The following TMPRSS11A variants were observed in gnomAD, a reference collection of about 807,000 sequenced individuals.
TMPRSS11A encodes transmembrane protease serine 11A.
TMPRSS11A carries 53 observed loss-of-function variants against 58.9 expected under a neutral mutation model. That is an observed-to-expected ratio of 0.90 (90% CI 0.72 to 1.13). TMPRSS11A has a LOEUF of 1.13. Among genes scored for constraint, TMPRSS11A ranks in the 50% most tolerant of loss-of-function variants. The pLI, the probability that TMPRSS11A is intolerant of heterozygous loss-of-function variation, is 0.00. For synonymous variants in TMPRSS11A, 167 were observed against 169.8 expected (o/e 0.98, Z 0.13); for missense variants, 493 against 499.3 (o/e 0.99, Z 0.12).
chr4:67,946,613 T>A, intron 1 of TMPRSS11A, 42 bp from the exon 2 acceptor site: 1 of 1,578,058 alleles, frequency 6.3e-7, no homozygotes, highest in Non-Finnish European at 8.6e-7. Context: ...CAGATAGCAA[T>A]GCTTGCAGGT....
chr4:67,956,513 C>G (rs183559117), intron 1 of TMPRSS11A, among the ~76,000 whole-genome samples: 1 of 152,272 alleles, frequency 6.6e-6, no homozygotes, highest in African/African-American at 2.4e-5. Flanking sequence ...ATATGGATAG[C>G]TTCAGTTTAA....
rs533790845 is a variant in TMPRSS11A at position 67,928,472 on chromosome 4, C to A, written c.481+1408G>T. Reference sequence around the variant, plus strand: ...ACAAAAAGACCAGGCAGCCAATGAACAATTTATGCTTTACTCTGGTTTCAG... The same window carrying A: ...ACAAAAAGACCAGGCAGCCAATGAAAAATTTATGCTTTACTCTGGTTTCAG... On this transcript the variant is annotated intron_variant, in intron 5 of 9. Transcript: ENST00000508048. Among the ~76,000 whole-genome samples, 17 of 152,332 alleles carry A rather than the reference C, an allele frequency of 1.1e-4. 1 individual carries two copies. In the South Asian group the frequency reaches 3.5e-3, roughly 32 times the overall value.
At chr4:67,957,546 A>C (rs1721316410) in intron 1 of TMPRSS11A, among the ~76,000 whole-genome samples, 1 of 152,142 alleles carries the variant, frequency 6.6e-6, no homozygotes, top group African/African-American at 2.4e-5. Context: ...GTATCTGGAG[A>C]AAGAAATTTC....
At chr4:67,918,916 A>C (rs1285315070) in intron 8 of TMPRSS11A, 57 bp downstream of exon 8, 2 of 1,582,972 alleles carry the variant, frequency 1.3e-6, no homozygotes, top group Non-Finnish European at 1.7e-6. Flanking sequence ...GATGGAGATG[A>C]AATCACATTG....
chr4:67,932,312 A>G (rs1057483548), intron 3 of TMPRSS11A, among the ~76,000 whole-genome samples: 14 of 152,148 alleles, frequency 9.2e-5, no homozygotes, highest in Non-Finnish European at 1.8e-4. Flanking sequence ...ATATTTTTAA[A>G]AAACCTACCC....
At chr4:67,946,279 T>C (rs1348947610) in intron 2 of TMPRSS11A, among the ~76,000 whole-genome samples, 171 bp downstream of exon 2, 1 of 152,184 alleles carries the variant, frequency 6.6e-6, no homozygotes, top group African/African-American at 2.4e-5. Context: ...TCACATATAA[T>C]AAGAATTTAG....
chr4:67,946,571 C>G lies in TMPRSS11A; in HGVS notation c.12G>C (p.Arg4=), dbSNP rs562799365. The G allele has an allele frequency of 2.5e-6, 4 of 1,608,316 alleles. No homozygotes were observed. In the African/African-American group the frequency reaches 5.4e-5, roughly 22 times the overall value. The change falls in exon 2 of 10, where the codon CGG becomes CGC. Residue 4 remains arginine, a splice_region_variant and synonymous_variant. Transcript: ENST00000508048. The stretch of plus-strand genomic sequence containing the variant: ...TGCTTCGGGTGCCAAATCCCACTGT[C>G]CTGAGAAAAGGAAGGGCCCACTGGT... MMY[R]TVGFGTRSRN... is the part of the protein sequence containing the mutation.
chr4:67,945,914 ATT>A (rs555780011), intron 2 of TMPRSS11A, among the ~76,000 whole-genome samples: 2 of 151,992 alleles, frequency 1.3e-5, no homozygotes, highest in Admixed American at 1.3e-4. Flanking sequence ...AAAGAGTAAA[ATT>A]TTTTTTCTCT....
At chr4:67,962,914 G>A (rs1445050018) in intron 1 of TMPRSS11A, among the ~76,000 whole-genome samples, 1 of 152,162 alleles carries the variant, frequency 6.6e-6, no homozygotes, top group Non-Finnish European at 1.5e-5. Context: ...ATGGAGGCAG[G>A]TGTCTCTGCA....
intron 1 of TMPRSS11A, among the ~76,000 whole-genome samples, chr4:67,958,086 G>A (rs1312415426): frequency 6.6e-6 from 1 of 152,218 alleles, no homozygotes; most frequent in African/African-American, 2.4e-5. Flanking sequence ...ATGCCTAGAA[G>A]TCCAGGAAGA....
intron 1 of TMPRSS11A, among the ~76,000 whole-genome samples, chr4:67,952,679 T>A (rs1305595945): frequency 6.6e-6 from 1 of 152,250 alleles, no homozygotes; most frequent in Non-Finnish European, 1.5e-5. Context: ...TGAGGTTGTT[T>A]GTAAACTTCA....
At chr4:67,958,365 G>T (rs35632436) in intron 1 of TMPRSS11A, among the ~76,000 whole-genome samples, 29,569 of 152,188 alleles carry the variant, frequency 0.19, 3,217 homozygotes, top group Admixed American at 0.32. Context: ...GGTTGGAGCT[G>T]CCCAAGGCCA....
intron 7 of TMPRSS11A, among the ~76,000 whole-genome samples, chr4:67,921,152 A>G (rs1272064972): frequency 2.6e-5 from 4 of 152,178 alleles, no homozygotes; most frequent in Non-Finnish European, 4.4e-5. Flanking sequence ...GTTCAATGCT[A>G]TAAAGATATT....
intron 8 of TMPRSS11A, among the ~76,000 whole-genome samples, chr4:67,915,970 C>T (rs1720134156): frequency 6.6e-6 from 1 of 152,128 alleles, no homozygotes; most frequent in Non-Finnish European, 1.5e-5. Flanking sequence ...CTATAGTCAC[C>T]ATGATGGATG....
intron 3 of TMPRSS11A, among the ~76,000 whole-genome samples, chr4:67,939,028 A>G (rs1720816079): frequency 6.6e-6 from 1 of 152,038 alleles, no homozygotes; most frequent in Admixed American, 6.6e-5. Flanking sequence ...AACAATATTG[A>G]TTCTTCCAAT....
At chr4:67,959,918 G>C (rs76644640) in intron 1 of TMPRSS11A, among the ~76,000 whole-genome samples, 12,912 of 152,158 alleles carry the variant, frequency 0.085, 847 homozygotes, top group African/African-American at 0.18. Flanking sequence ...AATCAGCCTA[G>C]GTGCCCATCA....
intron 1 of TMPRSS11A, among the ~76,000 whole-genome samples, chr4:67,947,239 A>G (rs578144748): frequency 2.6e-5 from 4 of 152,316 alleles, no homozygotes; most frequent in African/African-American, 9.6e-5. Context: ...TATTTCTGCC[A>G]TATCATCTAA....
intron 8 of TMPRSS11A, 41 bp downstream of exon 8, chr4:67,918,932 G>T: frequency 1.2e-6 from 2 of 1,607,618 alleles, no homozygotes; most frequent in Non-Finnish European, 1.7e-6. Flanking sequence ...CATTGCCTTA[G>T]ACAGGGCTTA....
At chr4:67,918,949 T>G in intron 8 of TMPRSS11A, 24 bp downstream of exon 8, 2 of 1,613,334 alleles carry the variant, frequency 1.2e-6, no homozygotes, top group Non-Finnish European at 1.7e-6. Flanking sequence ...CTTAGCGCTC[T>G]GTTAGCTATC....
Sources: allele counts gnomAD v4.1 joint callset (sites outside exome capture counted in the v4.1 genomes callset), GRCh38; gene constraint gnomAD v4.1.1; transcripts MANE v1.5; gene names NCBI Gene and HGNC (gene_info 2026-07-23, HGNC 2026-07-21).